The following FBXL7 variants were observed in gnomAD, a reference collection of about 807,000 sequenced individuals.
FBXL7 encodes the protein F-box/LRR-repeat protein 7.
FBXL7 carries 12 observed loss-of-function variants against 38.3 expected under a neutral mutation model. The observed-to-expected ratio is 0.31, with a 90% CI of 0.20 to 0.51. The LOEUF (loss-of-function observed/expected upper bound fraction) is 0.51, where lower values mean the gene tolerates loss of function less well. FBXL7 is among the 20% of genes least tolerant of loss of function. The pLI is 0.98. For synonymous variants in FBXL7, 297 were observed against 300.9 expected, an observed-to-expected ratio of 0.99 and a Z score of 0.13; for missense variants, 567 against 676.4, an observed-to-expected ratio of 0.84 and a Z score of 1.79.
At chr5:15,569,457 C>A (rs1205096141) in intron 1 of FBXL7, among the ~76,000 whole-genome samples, 25 of 151,682 alleles carry the variant, frequency 1.6e-4, no homozygotes, top group East Asian at 3.9e-4. Context: ...TGAGACTTTG[C>A]TGAAGTTGCC....
intron 2 of FBXL7, among the ~76,000 whole-genome samples, chr5:15,794,140 T>C (rs1380047442): frequency 6.6e-6 from 1 of 152,176 alleles, no homozygotes; most frequent in Non-Finnish European, 1.5e-5. Context: ...AGCATTCTCT[T>C]CTCCTATGGA....
chr5:15,696,588 G>A (rs996809008), intron 2 of FBXL7, among the ~76,000 whole-genome samples: 43 of 152,136 alleles, frequency 2.8e-4, no homozygotes, highest in Non-Finnish European at 1.3e-4. Context: ...CAGCTTCCTT[G>A]CAATATTGCT....
intron 2 of FBXL7, among the ~76,000 whole-genome samples, chr5:15,860,173 C>G (rs73752334): frequency 6.6e-6 from 1 of 152,122 alleles, no homozygotes; most frequent in African/African-American, 2.4e-5. Context: ...TATAGGCATA[C>G]GTGGAATTCC....
chr5:15,762,587 A>G (rs1736478765), intron 2 of FBXL7, among the ~76,000 whole-genome samples: 1 of 152,264 alleles, frequency 6.6e-6, no homozygotes, highest in African/African-American at 2.4e-5. Flanking sequence ...AACCTCCCCT[A>G]AGCCTCACTT....
chr5:15,584,431 AG>A (rs1456924498), intron 1 of FBXL7, among the ~76,000 whole-genome samples: 5 of 152,204 alleles, frequency 3.3e-5, no homozygotes, highest in African/African-American at 1.2e-4. Flanking sequence ...AAAGTTCCAC[AG>A]ATCTCTAGGG....
intron 2 of FBXL7, among the ~76,000 whole-genome samples, chr5:15,735,475 GAC>G (rs1735726325): frequency 6.6e-6 from 1 of 152,166 alleles, no homozygotes; most frequent in Admixed American, 6.5e-5. Flanking sequence ...TCATTGGAAG[GAC>G]ACAGGTGCCA....
At chr5:15,821,299 C>T (rs1738163426) in intron 2 of FBXL7, among the ~76,000 whole-genome samples, 1 of 152,138 alleles carries the variant, frequency 6.6e-6, no homozygotes, top group African/African-American at 2.4e-5. Context: ...TTATTAGCAT[C>T]AGTCTTCCTG....
At chr5:15,588,384 ATTT>A (rs369831084) in intron 1 of FBXL7, among the ~76,000 whole-genome samples, 2 of 137,684 alleles carry the variant, frequency 1.5e-5, no homozygotes, top group Admixed American at 7.4e-5. Context: ...CTATGTTGTA[ATTT>A]TTTTTTTTTT....
chr5:15,716,351 T>G (rs1744044287), intron 2 of FBXL7, among the ~76,000 whole-genome samples: 1 of 152,232 alleles, frequency 6.6e-6, no homozygotes, highest in South Asian at 2.1e-4. Context: ...CCCGTAACAT[T>G]TGTATGAATG....
chr5:15,628,453 T>C (rs1435910322), intron 2 of FBXL7, among the ~76,000 whole-genome samples: 4 of 152,146 alleles, frequency 2.6e-5, no homozygotes, highest in Admixed American at 2.6e-4. Flanking sequence ...CCTGAAATCT[T>C]TAGTCAAGTC....
At chr5:15,570,829 A>G (rs1399961694) in intron 1 of FBXL7, among the ~76,000 whole-genome samples, 1 of 152,288 alleles carries the variant, frequency 6.6e-6, no homozygotes, top group East Asian at 1.9e-4. Context: ...ACTGTGTCTC[A>G]TGCCTGTAAT....
chr5:15,626,197 C>T (rs1024801981), intron 2 of FBXL7, among the ~76,000 whole-genome samples: 34 of 152,164 alleles, frequency 2.2e-4, no homozygotes, highest in Non-Finnish European at 4.9e-4. Flanking sequence ...CAATTCACTG[C>T]TTCATGACCA....
chr5:15,894,201 C>T (rs757410554), intron 2 of FBXL7, among the ~76,000 whole-genome samples: 9 of 152,208 alleles, frequency 5.9e-5, no homozygotes, highest in African/African-American at 1.7e-4. Context: ...GCAGAGATTG[C>T]GGTGAGCCGA....
At chr5:15,919,673 A>G (rs2126443075) in intron 2 of FBXL7, among the ~76,000 whole-genome samples, 1 of 152,350 alleles carries the variant, frequency 6.6e-6, no homozygotes, top group Admixed American at 6.5e-5. Context: ...TTGTGTCAAG[A>G]AAATATTACA....
intron 2 of FBXL7, among the ~76,000 whole-genome samples, chr5:15,712,352 G>GA (rs56795994): frequency 0.023 from 3,187 of 140,850 alleles, 112 homozygotes; most frequent in African/African-American, 0.074. Context: ...TTAAAATAGT[G>GA]AAAAAAAAAA....
chr5:15,829,461 T>C (rs1738397184), intron 2 of FBXL7, among the ~76,000 whole-genome samples: 1 of 113,548 alleles, frequency 8.8e-6, no homozygotes, highest in South Asian at 2.9e-4. Flanking sequence ...GCATGCAAAA[T>C]AAAAGTTGAA....
rs183563089 is a variant in FBXL7, at chr5:15,605,371, T to C, written c.38-10612T>C. Reference sequence around the variant, plus strand: ...AGATGAATGAATAAACAAAATATGGTATACACACAGAGTAGAATATTATTC... The same window carrying C: ...AGATGAATGAATAAACAAAATATGGCATACACACAGAGTAGAATATTATTC... On this transcript the variant is annotated intron_variant, in intron 1 of 3. Coordinates refer to ENST00000504595, the MANE Select transcript of FBXL7 (RefSeq NM_012304.5). Among the ~76,000 whole-genome samples the C allele has an allele frequency of 6.6e-5, 10 of 152,232 alleles. No homozygotes were observed. The East Asian group carries it at 1.9e-3, about 30-fold the overall frequency.
chr5:15,589,814 T>C (rs2126478804), intron 1 of FBXL7, among the ~76,000 whole-genome samples: 1 of 152,282 alleles, frequency 6.6e-6, no homozygotes, highest in African/African-American at 2.4e-5. Context: ...CAGCGTGTCC[T>C]CAATGTCATC....
intron 2 of FBXL7, among the ~76,000 whole-genome samples, chr5:15,854,883 C>G (rs991661970): frequency 2.0e-5 from 3 of 151,292 alleles, no homozygotes; most frequent in Non-Finnish European, 4.4e-5. Context: ...TCAGTCAAAC[C>G]AAAAAAAACA....
Sources: allele counts gnomAD v4.1 joint callset (sites outside exome capture counted in the v4.1 genomes callset), GRCh38; gene constraint gnomAD v4.1.1; transcripts MANE v1.5; gene names NCBI Gene and HGNC (gene_info 2026-07-23, HGNC 2026-07-21).